MTMR3: variants seen among roughly 807,000 people sequenced by gnomAD.
MTMR3 encodes phosphatidylinositol-3,5-bisphosphate 3-phosphatase MTMR3.
Under a neutral mutation model 132.4 loss-of-function variants are expected in MTMR3, and 32 were observed. That is an observed-to-expected ratio of 0.24 (90% CI 0.18 to 0.32). The LOEUF (loss-of-function observed/expected upper bound fraction) is 0.32, where lower values mean the gene tolerates loss of function less well. Among genes scored for constraint, MTMR3 ranks in the 10% least tolerant of loss-of-function variants. MTMR3 has a pLI of 1.00. For synonymous variants in MTMR3, 556 were observed against 550.3 expected (o/e 1.01, Z -0.14); for missense variants, 1,216 against 1,489.6 (o/e 0.82, Z 3.02).
intron 1 of MTMR3, among the ~76,000 whole-genome samples, 185 bp from the exon 2 acceptor site, chr22:29,956,851 G>A (rs578016686): frequency 6.6e-6 from 1 of 152,204 alleles, no homozygotes; most frequent in African/African-American, 2.4e-5. Context: ...GACTGGGTCT[G>A]TTCTGTGCAG....
intron 2 of MTMR3, among the ~76,000 whole-genome samples, chr22:29,962,585 C>T (rs765497267): frequency 1.3e-5 from 2 of 152,032 alleles, no homozygotes; most frequent in African/African-American, 4.8e-5. Context: ...GCAGGAAGAT[C>T]GCTGGAGCCC....
chr22:29,970,156 A>G (rs755476343), intron 2 of MTMR3, among the ~76,000 whole-genome samples: 5 of 152,188 alleles, frequency 3.3e-5, no homozygotes, highest in Non-Finnish European at 7.3e-5. Flanking sequence ...AGGTATTAGT[A>G]CAGATTGTAA....
chr22:29,991,680 T>C lies in MTMR3; in HGVS notation c.460+10T>C, dbSNP rs780193726. 7 of 1,577,338 alleles carry C rather than the reference T, an allele frequency of 4.4e-6. No homozygotes were observed. The Admixed American group carries it at 1.3e-4, about 29-fold the overall frequency. On this transcript the variant is annotated intron_variant, in intron 7 of 19. Coordinates refer to ENST00000401950, the MANE Select transcript of MTMR3 (RefSeq NM_021090.4). Reference sequence around the variant, plus strand: ...GACCTGTGCAGACCAGGTACGCCTTTCTGAAATGTGCAAATGGCCAGGGGC... The same window carrying C: ...GACCTGTGCAGACCAGGTACGCCTTCCTGAAATGTGCAAATGGCCAGGGGC...
At chr22:30,002,822 G>A (rs892098732) in intron 8 of MTMR3, 58 bp from the exon 9 acceptor site, 15 of 1,320,742 alleles carry the variant, frequency 1.1e-5, no homozygotes, top group African/African-American at 5.8e-5. Flanking sequence ...TCTCTCTCCC[G>A]TTTTCTCTCT....
intron 1 of MTMR3, among the ~76,000 whole-genome samples, chr22:29,896,442 A>C (rs902601547): frequency 2.0e-5 from 3 of 152,144 alleles, no homozygotes; most frequent in Admixed American, 2.0e-4. Context: ...AGCTTCGATG[A>C]TTGCTCTCAG....
intron 1 of MTMR3, among the ~76,000 whole-genome samples, chr22:29,943,496 T>G (rs1057409106): frequency 1.3e-5 from 2 of 152,068 alleles, no homozygotes; most frequent in African/African-American, 4.8e-5. Flanking sequence ...GGCCTTGATG[T>G]GTGTATTTTT....
rs752364771 is a variant in MTMR3, at chr22:30,019,673, G to T, written c.2014G>T (p.Val672Leu). Residue 672 changes from valine (V) to leucine (L), a missense_variant, in exon 17 of 20, where the codon GTG becomes TTG. Physicochemically the swap from Val to Leu is conservative, Grantham distance 32. Transcript: ENST00000401950. ...CGACAGCCTAGGGAAGCCCACCAGA[G>T]TGCCGGGGGGTGCCGAGCTTTCTGT... ...SADSLGKPTR[V>L]PGGAELSVAA... The T allele has an allele frequency of 3.1e-6, 5 of 1,614,116 alleles. No individual in the cohort carries two copies. In the South Asian group the frequency reaches 5.5e-5, roughly 18 times the overall value.
rs1379710255 is a variant in MTMR3, at chr22:29,991,606, C to T, written c.396C>T (p.Tyr132=). 1.9e-6 allele frequency: 3 copies of T among 1,614,046 alleles called. No individual in the cohort carries two copies. The highest frequency in any genetic ancestry group is 2.2e-5 in the South Asian group (2 of 91,064). The part of the protein sequence containing the change: ...AKIEDLFSFA[Y]HAWCMEVYAS... ...TAGAAGATCTCTTCTCATTTGCATA[C>T]CATGCTTGGTGCATGGAGGTCTATG... The change falls in exon 7 of 20, where the codon TAC becomes TAT. Residue 132 remains tyrosine, a synonymous_variant. Coordinates refer to ENST00000401950, the MANE Select transcript of MTMR3 (RefSeq NM_021090.4).
chr22:29,883,368 C>G lies in MTMR3; in HGVS notation c.-138+9C>G, dbSNP rs570520285. On this transcript the variant is annotated intron_variant, in intron 1 of 19. Coordinates refer to ENST00000401950, the MANE Select transcript of MTMR3 (RefSeq NM_021090.4). ...CCATGTCCTGCTGCCCGGTAAGAAC[C>G]CCATCCCCGTCCTCCGTCTCCTCGG... is the stretch of plus-strand genomic sequence containing the variant. 1.3e-5 allele frequency: 2 copies of G among 158,044 alleles called. No homozygotes were observed. Among genetic ancestry groups the G allele is most frequent in the Admixed American group, 1.3e-4 (2 of 15,522 alleles). 9.8% of individuals were successfully genotyped at this position (158,044 alleles called of 1,614,324 possible). A position where few individuals can be genotyped will look rare whatever the true frequency, so the allele number is the denominator to read the frequency against.
intron 19 of MTMR3, 143 bp downstream of exon 19, chr22:30,022,840 T>C (rs928151169): frequency 5.7e-5 from 41 of 720,306 alleles, no homozygotes; most frequent in Non-Finnish European, 9.1e-5. Context: ...GCCTCTGAAA[T>C]TGGTGTTTGC....
chr22:29,904,986 T>A (rs2065068950), intron 1 of MTMR3, among the ~76,000 whole-genome samples: 1 of 152,200 alleles, frequency 6.6e-6, no homozygotes, highest in African/African-American at 2.4e-5. Context: ...GAAATTTACA[T>A]TTCTACCAAG....
intron 2 of MTMR3, among the ~76,000 whole-genome samples, chr22:29,957,558 C>T (rs962437189): frequency 7.9e-5 from 12 of 152,016 alleles, no homozygotes; most frequent in Non-Finnish European, 1.6e-4. Flanking sequence ...CTACAGCAAT[C>T]CTCCTGCCTC....
At chr22:29,972,507 A>G (rs908515292) in intron 3 of MTMR3, among the ~76,000 whole-genome samples, 2 of 152,216 alleles carry the variant, frequency 1.3e-5, no homozygotes, top group African/African-American at 4.8e-5. Context: ...CTCATAAAGT[A>G]GCATTGTTAC....
At chr22:30,013,577 A>G in intron 14 of MTMR3, 36 bp downstream of exon 14, 1 of 1,597,626 alleles carries the variant, frequency 6.3e-7, no homozygotes, top group Non-Finnish European at 8.6e-7. Context: ...TCTCAATTTG[A>G]AGGAGGGTCA....
intron 17 of MTMR3, 95 bp from the exon 18 acceptor site, chr22:30,021,934 C>T: frequency 1.0e-6 from 1 of 967,702 alleles, no homozygotes; most frequent in South Asian, 1.4e-5. Context: ...CTCGGCCCCA[C>T]CCAGAGTCCT....
At chr22:29,940,519 C>T (rs968672599) in intron 1 of MTMR3, among the ~76,000 whole-genome samples, 7 of 150,122 alleles carry the variant, frequency 4.7e-5, no homozygotes, top group African/African-American at 1.0e-4. Context: ...ATGCGTGTGA[C>T]AATGACTGTA....
chr22:29,977,213 G>T (rs1451478969), intron 3 of MTMR3, among the ~76,000 whole-genome samples: 1 of 152,064 alleles, frequency 6.6e-6, no homozygotes, highest in African/African-American at 2.4e-5. Flanking sequence ...GATCACTTGA[G>T]CCCCGGAGTT....
At chr22:29,945,968 A>G (rs1018161143) in intron 1 of MTMR3, among the ~76,000 whole-genome samples, 2 of 152,094 alleles carry the variant, frequency 1.3e-5, no homozygotes, top group African/African-American at 4.8e-5. Context: ...AGATTTGACC[A>G]GAGTAGTTAT....
intron 1 of MTMR3, among the ~76,000 whole-genome samples, chr22:29,933,733 G>GTTTTTTT (rs758195736): frequency 1.6e-4 from 20 of 124,110 alleles, no homozygotes; most frequent in African/African-American, 5.6e-4. Context: ...GCAGTTCTGT[G>GTTTTTTT]TTTTTTTTTT....
Sources: gnomAD v4.1 joint callset for allele counts (sites outside exome capture counted in the v4.1 genomes callset) on GRCh38, gnomAD v4.1.1 for gene constraint, MANE v1.5 for transcripts, NCBI Gene and HGNC (gene_info 2026-07-23, HGNC 2026-07-21) for gene names.